The following SMC2 variants were observed in gnomAD, a reference collection of about 807,000 sequenced individuals.
SMC2 encodes the protein structural maintenance of chromosomes 2, also known as structural maintenance of chromosomes protein 2.
A neutral mutation model predicts 142.6 loss-of-function variants in SMC2; 41 were observed. The observed-to-expected ratio is 0.29, with a 90% CI of 0.22 to 0.37. SMC2 has a LOEUF of 0.37. SMC2 is among the 10% of genes least tolerant of loss of function. The pLI is 1.00. For missense variants in SMC2, 1,265 were observed against 1,373.7 expected (o/e 0.92, Z 1.25); for synonymous variants, 463 against 457.5 (o/e 1.01, Z -0.15).
rs1268755623 is a variant in SMC2 at position 104,100,163 on chromosome 9, C to T, written c.551C>T (p.Thr184Ile). ...YEYKKIAAQKTIEKKEAKLKE... is the reference protein window; with the variant it reads ...YEYKKIAAQKIIEKKEAKLKE... ...TACAAAAAAATAGCTGCACAGAAAA[C>T]TATAGAAAAAAAGGAGGCTAAGCTG... Residue 184 changes from threonine to isoleucine, a missense_variant, in exon 6 of 25, where the codon ACT (threonine) becomes ATT (isoleucine). This residue lies in a region of SMC2 where 898 missense variants were observed against 904.2 expected (regional missense o/e 0.99). Transcript: ENST00000374793. The T allele has an allele frequency of 3.2e-6, 5 of 1,574,664 alleles. No individual in the cohort carries two copies. Among genetic ancestry groups the T allele is most frequent in the South Asian group, 1.2e-5 (1 of 83,272 alleles).
chr9:104,124,930 T>C lies in SMC2; in HGVS notation c.2276T>C (p.Leu759Ser). 1 of 1,590,500 alleles carries C rather than the reference T, an allele frequency of 6.3e-7. No homozygotes were observed. The highest frequency in any genetic ancestry group is 8.5e-7 in the Non-Finnish European group (1 of 1,174,412). ...KKTIEESEET[L>S]KNTKEIQRKA... ...GATGCAGAGGAAAGTGAGGAGACTTTGAAAAACACTAAAGAAATCCAAAGA... is the reference window on the plus strand; with the variant it reads ...GATGCAGAGGAAAGTGAGGAGACTTCGAAAAACACTAAAGAAATCCAAAGA... Residue 759 changes from leucine (L) to serine (S), a missense_variant, in exon 18 of 25, where the codon TTG becomes TCG. Coordinates refer to ENST00000374793, the MANE Select transcript of SMC2 (RefSeq NM_006444.3).
In SMC2 at chr9:104,095,423, C is replaced by T; in HGVS notation, c.39C>T (p.Ser13=). The part of the protein sequence containing the change: ...IKSIILEGFK[S]YAQRTEVNGF... Reference sequence around the variant, plus strand: ...CAATTATTCTAGAGGGATTCAAGTCCTATGCTCAGAGGACCGAAGTCAATG... The same window carrying T: ...CAATTATTCTAGAGGGATTCAAGTCTTATGCTCAGAGGACCGAAGTCAATG... Residue 13 remains serine, a synonymous_variant, in exon 2 of 25, where the codon TCC becomes TCT. Coordinates refer to ENST00000374793, the MANE Select transcript of SMC2 (RefSeq NM_006444.3). The T allele has an allele frequency of 6.2e-7, 1 of 1,613,784 alleles. No homozygotes were observed. Among genetic ancestry groups the T allele is most frequent in the South Asian group, 1.1e-5 (1 of 91,064 alleles).
At chr9:104,103,598 G>A (rs1303855932) in intron 9 of SMC2, among the ~76,000 whole-genome samples, 2 of 152,206 alleles carry the variant, frequency 1.3e-5, no homozygotes, top group African/African-American at 4.8e-5. Context: ...CTAGGAATAG[G>A]TCATCCATGG....
At chr9:104,114,937 A>G (rs1964767978) in intron 13 of SMC2, 108 bp downstream of exon 13, 1 of 813,536 alleles carries the variant, frequency 1.2e-6, no homozygotes, top group Non-Finnish European at 1.8e-6. Context: ...CCCTAAGGTG[A>G]CTTATTTATA....
At position 104,098,884 on chromosome 9, in the gene SMC2, G is replaced by A. The variant is rs185064718; in HGVS notation, c.441+316G>A. 2.0e-3 allele frequency among the ~76,000 whole-genome samples: 300 copies of A among 149,982 alleles called. 1 individual carries two copies. The highest frequency in any genetic ancestry group is 3.8e-3 in the Non-Finnish European group (259 of 67,644). ...TATCCTTTTAAATTATTGGATTAAT[G>A]CATCTTAATATTTCAAGTATAAAAG... On this transcript the variant is annotated intron_variant, in intron 4 of 24. Transcript: ENST00000374793.
At chr9:104,128,520 G>C (rs887509483) in intron 20 of SMC2, among the ~76,000 whole-genome samples, 3 of 152,168 alleles carry the variant, frequency 2.0e-5, no homozygotes, top group African/African-American at 7.2e-5. Flanking sequence ...ATCAGATACT[G>C]TGCCAGGCAC....
In SMC2 at chr9:104,102,541, A is replaced by G; in HGVS notation, c.988A>G (p.Lys330Glu). 6.2e-7 allele frequency: 1 copy of G among 1,613,638 alleles called. No individual in the cohort carries two copies. Among genetic ancestry groups the G allele is most frequent in the Non-Finnish European group, 8.5e-7 (1 of 1,179,802 alleles). Reference protein sequence around the residue: ...KKKNLACEESKRKELEKNMVE... With the variant: ...KKKNLACEESERKELEKNMVE... ...GAAAAATCTGGCATGTGAGGAAAGCAAACGCAAAGAGCTGGAAAAAAATAT... is the reference window on the plus strand; with the variant it reads ...GAAAAATCTGGCATGTGAGGAAAGCGAACGCAAAGAGCTGGAAAAAAATAT... Residue 330 changes from lysine to glutamate, a missense_variant, in exon 9 of 25, where the codon AAA becomes GAA. Lys to Glu is a moderately conservative substitution (Grantham distance 56). Transcript: ENST00000374793.
chr9:104,123,289 CT>C (rs765241146), intron 17 of SMC2, 57 bp downstream of exon 17: 19 of 1,525,144 alleles, frequency 1.2e-5, no homozygotes, highest in Non-Finnish European at 1.7e-5. Context: ...CGTTACCTTA[CT>C]TTAGGTATCT....
Position 104,102,097 on chromosome 9 carries a change from T to A in SMC2, c.774T>A (p.Asp258Glu). 1.2e-6 allele frequency: 2 copies of A among 1,606,062 alleles called. No homozygotes were observed. Among genetic ancestry groups the A allele is most frequent in the Non-Finnish European group, 1.7e-6 (2 of 1,173,378 alleles). Residue 258 changes from aspartate (D) to glutamate (E), a missense_variant, in exon 8 of 25, where the codon GAT (aspartate) becomes GAA (glutamate). By Grantham distance (45) the Asp-to-Glu change is conservative (BLOSUM62 2). Around this residue, in one of 4 missense-constraint regions of SMC2, gnomAD observed 898 missense variants for 904.2 expected, o/e 0.99. Coordinates refer to ENST00000374793, the MANE Select transcript of SMC2 (RefSeq NM_006444.3). ...RSAEELKEMQ[D>E]KVIKLQEELS... is the part of the protein sequence containing the mutation. ...CTGAGGAATTAAAAGAAATGCAAGA[T>A]AAAGTTATAAAGCTTCAGGAAGAAT...
chr9:104,098,076 A>T (rs1458123562), intron 3 of SMC2, among the ~76,000 whole-genome samples: 1 of 152,238 alleles, frequency 6.6e-6, no homozygotes, highest in African/African-American at 2.4e-5. Context: ...TCTGACATCT[A>T]TTCCTGTTGA....
At chr9:104,103,816 A>G (rs7048684) in intron 9 of SMC2, among the ~76,000 whole-genome samples, 1,607 of 152,360 alleles carry the variant, frequency 0.011, 41 homozygotes, top group African/African-American at 0.037. Flanking sequence ...TGTTGAATTA[A>G]GAAACAGTGG....
rs752172644 is a variant in SMC2 at position 104,129,756 on chromosome 9, A to G, written c.2902A>G (p.Arg968Gly). The G allele has an allele frequency of 3.1e-6, 5 of 1,613,920 alleles. No individual in the cohort carries two copies. Among genetic ancestry groups the G allele is most frequent in the Admixed American group, 1.7e-5 (1 of 60,006 alleles). ...TAACAACCCTAAAGAAGCTGGTCAG[A>G]GACTTCAGAAGTTGCAAGAAATGAA... is the stretch of plus-strand genomic sequence containing the variant. ...KTNNPKEAGQRLQKLQEMKEK... is the reference protein window; with the variant it reads ...KTNNPKEAGQGLQKLQEMKEK... Residue 968 changes from arginine to glycine, a missense_variant, in exon 21 of 25, where the codon AGA (arginine) becomes GGA (glycine). By Grantham distance (125) the Arg-to-Gly change is moderately radical. This residue lies in a region of SMC2 where 898 missense variants were observed against 904.2 expected (regional missense o/e 0.99). Coordinates refer to ENST00000374793, the MANE Select transcript of SMC2 (RefSeq NM_006444.3).
At chr9:104,122,762 T>C (rs181790829) in intron 16 of SMC2, among the ~76,000 whole-genome samples, 1 of 152,300 alleles carries the variant, frequency 6.6e-6, no homozygotes, top group Admixed American at 6.5e-5. Flanking sequence ...GTAATTGTTA[T>C]AATTAATCAT....
chr9:104,121,061 A>G (rs1833674061), intron 16 of SMC2, among the ~76,000 whole-genome samples: 2 of 152,222 alleles, frequency 1.3e-5, no homozygotes, highest in African/African-American at 2.4e-5. Context: ...CACTGAGGAC[A>G]TGATTGTTGA....
In SMC2 at chr9:104,129,662, A is replaced by T. The variant is rs1288103464; in HGVS notation, c.2808A>T (p.Lys936Asn). 1.2e-6 allele frequency: 2 copies of T among 1,613,936 alleles called. No homozygotes were observed. The highest frequency in any genetic ancestry group is 4.5e-5 in the East Asian group (2 of 44,860). ...GTGGCTAGGTATCCAAAATGTTGAAAGATTATGACTGGATTAATGCAGAGA... is the reference window on the plus strand; with the variant it reads ...GTGGCTAGGTATCCAAAATGTTGAATGATTATGACTGGATTAATGCAGAGA... The part of the protein sequence containing the change: ...DGAAKVSKML[K>N]DYDWINAERH... Residue 936 changes from lysine to asparagine, a missense_variant, in exon 21 of 25, where the codon AAA becomes AAT. By Grantham distance (94) the Lys-to-Asn change is moderately conservative (BLOSUM62 0). This residue lies in a region of SMC2 where 898 missense variants were observed against 904.2 expected (regional missense o/e 0.99). Coordinates refer to ENST00000374793, the MANE Select transcript of SMC2 (RefSeq NM_006444.3).
At chr9:104,123,454 C>T (rs115962059) in intron 17 of SMC2, among the ~76,000 whole-genome samples, 8,622 of 152,210 alleles carry the variant, frequency 0.057, 653 homozygotes, top group African/African-American at 0.18. Flanking sequence ...TTTCCACCAG[C>T]AGCATATGAA....
rs1011163659 is a variant in SMC2 at position 104,139,821 on chromosome 9, A to G, written c.*506A>G. The G allele has an allele frequency of 5.2e-5, 8 of 152,400 alleles. No homozygotes were observed. Among genetic ancestry groups the G allele is most frequent in the African/African-American group, 1.7e-4 (7 of 41,444 alleles). The allele number at this position is 152,400 out of a possible 1,614,324, so 9.4% of individuals were successfully genotyped here. The stretch of plus-strand genomic sequence containing the variant: ...CGTTTGAGGCTAGTTTTTTAAGGCC[A>G]CAACTCCAGACCCCTGATTTAGACT... On this transcript the variant is annotated 3_prime_UTR_variant, in exon 25 of 25. Transcript: ENST00000374793.
Position 104,126,789 on chromosome 9 carries a change from G to T in SMC2, c.2595+5G>T, listed in dbSNP as rs1241695253. The T allele has an allele frequency of 7.0e-6, 11 of 1,581,724 alleles. No individual in the cohort carries two copies. Among genetic ancestry groups the T allele is most frequent in the Non-Finnish European group, 8.6e-6 (10 of 1,169,346 alleles). On this transcript the variant is annotated splice_donor_5th_base_variant and intron_variant, in intron 19 of 24. Coordinates refer to ENST00000374793, the MANE Select transcript of SMC2 (RefSeq NM_006444.3). ...GCTGAGGTGGCTAAAAATAAGGTAG[G>T]ATTTATTTATCAAATTCGAGAAATT...
At chr9:104,106,547 C>T (rs1206935298) in intron 9 of SMC2, among the ~76,000 whole-genome samples, 2 of 152,136 alleles carry the variant, frequency 1.3e-5, no homozygotes, top group Non-Finnish European at 2.9e-5. Flanking sequence ...GCATGTACCA[C>T]CACGCCTGGC....
Sources: gnomAD v4.1 joint callset for allele counts (sites outside exome capture counted in the v4.1 genomes callset) on GRCh38, gnomAD v4.1.1 for gene constraint, gnomAD v4.1.1 regional missense constraint, MANE v1.5 for transcripts, NCBI Gene and HGNC (gene_info 2026-07-23, HGNC 2026-07-21) for gene names.